The following SNX30 variants were observed in gnomAD, a reference collection of about 807,000 sequenced individuals.
SNX30 encodes the protein sorting nexin-30.
Under a neutral mutation model 46.4 loss-of-function variants are expected in SNX30, and 24 were observed. The observed-to-expected ratio is 0.52, with a 90% CI of 0.37 to 0.73. The LOEUF (loss-of-function observed/expected upper bound fraction) is 0.73. Among genes scored for constraint, SNX30 ranks in the 30% least tolerant of loss-of-function variants. The pLI, the probability that SNX30 is intolerant of heterozygous loss-of-function variation, is 0.00. For synonymous variants in SNX30, 189 were observed against 211.5 expected, an observed-to-expected ratio of 0.89 and a Z score of 0.92; for missense variants, 533 against 555.7, an observed-to-expected ratio of 0.96 and a Z score of 0.41.
At chr9:112,822,130 T>G (rs1478591447) in intron 3 of SNX30, among the ~76,000 whole-genome samples, 1 of 151,690 alleles carries the variant, frequency 6.6e-6, no homozygotes, top group African/African-American at 2.4e-5. Flanking sequence ...CCCAGGCTGG[T>G]CTCAAACTCC....
intron 1 of SNX30, among the ~76,000 whole-genome samples, chr9:112,767,144 G>C (rs1554748160): frequency 6.8e-6 from 1 of 146,950 alleles, no homozygotes; most frequent in African/African-American, 2.5e-5. Context: ...TTTGATAGTA[G>C]TTATTCTAGA....
chr9:112,788,918 C>T (rs113514074), intron 1 of SNX30, among the ~76,000 whole-genome samples: 6 of 152,304 alleles, frequency 3.9e-5, no homozygotes, highest in African/African-American at 1.4e-4. Context: ...ACCTCAGCCT[C>T]CCCAGTAGAT....
At chr9:112,840,120 A>C (rs1411182093) in intron 6 of SNX30, among the ~76,000 whole-genome samples, 1 of 152,198 alleles carries the variant, frequency 6.6e-6, no homozygotes, top group Non-Finnish European at 1.5e-5. Flanking sequence ...TGTGCGTTAT[A>C]AAGTTGCTAA....
intron 7 of SNX30, among the ~76,000 whole-genome samples, chr9:112,857,072 C>T (rs59969998): frequency 6.6e-6 from 1 of 152,310 alleles, no homozygotes; most frequent in East Asian, 1.9e-4. Context: ...AGCTGTGCTC[C>T]CTGAGGGGGC....
At chr9:112,837,767 G>A (rs1281685687) in intron 5 of SNX30, among the ~76,000 whole-genome samples, 1 of 148,712 alleles carries the variant, frequency 6.7e-6, no homozygotes, top group Non-Finnish European at 1.5e-5. Context: ...GAGCCACCGT[G>A]CCTGGCCCCT....
intron 3 of SNX30, among the ~76,000 whole-genome samples, chr9:112,824,517 C>T (rs975537357): frequency 2.0e-5 from 3 of 150,828 alleles, no homozygotes; most frequent in Non-Finnish European, 3.0e-5. Context: ...CTCCCTCACC[C>T]CTACACCCAG....
intron 6 of SNX30, among the ~76,000 whole-genome samples, chr9:112,848,550 C>T (rs991607205): frequency 1.3e-5 from 2 of 152,154 alleles, no homozygotes. Flanking sequence ...GAACAGGGCC[C>T]GCCACCGTCC....
chr9:112,837,764 C>G (rs1485364815), intron 5 of SNX30, among the ~76,000 whole-genome samples: 2 of 151,204 alleles, frequency 1.3e-5, no homozygotes, highest in Non-Finnish European at 2.9e-5. Context: ...TGTGAGCCAC[C>G]GTGCCTGGCC....
chr9:112,854,781 T>C (rs10759601), intron 7 of SNX30, among the ~76,000 whole-genome samples: 120,119 of 152,076 alleles, frequency 0.79, 47,668 homozygotes, highest in South Asian at 0.87. Flanking sequence ...AATGGGATGG[T>C]CCTGGGTTCA....
chr9:112,813,308 ACAAACAAAAAAAC>A (rs1436871088), intron 2 of SNX30, among the ~76,000 whole-genome samples: 7 of 150,634 alleles, frequency 4.6e-5, no homozygotes, highest in African/African-American at 7.3e-5. Context: ...TACAAAAAAA[ACAAACAAAAAAAC>A]CACCAAAAAT....
At position 112,835,830 on chromosome 9, in the gene SNX30, T is replaced by C. The variant is rs59745815; in HGVS notation, c.619-384T>C. ...AGTTGGGGTATAAATAAATGAGTGA[T>C]GGATCTCGGAACCTCTGCTCTTCAG... is the stretch of plus-strand genomic sequence containing the variant. On this transcript the variant is annotated intron_variant, in intron 4 of 8. Coordinates refer to ENST00000374232, the MANE Select transcript of SNX30 (RefSeq NM_001012994.2). 5.2e-3 allele frequency among the ~76,000 whole-genome samples: 796 copies of C among 152,172 alleles called. 11 individuals are homozygous for C. The highest frequency in any genetic ancestry group is 0.018 in the African/African-American group (765 of 41,506).
intron 4 of SNX30, 103 bp downstream of exon 4, chr9:112,830,986 CA>C: frequency 3.3e-6 from 4 of 1,227,200 alleles, no homozygotes; most frequent in Non-Finnish European, 4.5e-6. Flanking sequence ...AAACTTTTAA[CA>C]AATAGCCGAG....
chr9:112,882,393 C>T (rs1375214723), downstream of SNX30, among the ~76,000 whole-genome samples: 3 of 152,170 alleles, frequency 2.0e-5, no homozygotes, highest in African/African-American at 4.8e-5. Flanking sequence ...AGGTGTGAGC[C>T]ACTGCACCCA....
chr9:112,864,512 AG>A (rs1841288045), intron 8 of SNX30, 113 bp downstream of exon 8: 1 of 1,409,200 alleles, frequency 7.1e-7, no homozygotes, highest in Admixed American at 1.8e-5. Context: ...CCCTTATTTT[AG>A]CTGCTTAGTC....
At chr9:112,842,647 G>T (rs1266073906) in intron 6 of SNX30, among the ~76,000 whole-genome samples, 1 of 152,238 alleles carries the variant, frequency 6.6e-6, no homozygotes, top group African/African-American at 2.4e-5. Context: ...CAATCAGCTT[G>T]TAGCTGTGTG....
chr9:112,884,026 T>C (rs1267000606), downstream of SNX30, among the ~76,000 whole-genome samples: 4 of 152,178 alleles, frequency 2.6e-5, no homozygotes, highest in African/African-American at 9.7e-5. Context: ...GAGGCATTAG[T>C]TAAGTGCATG....
chr9:112,780,181 G>A (rs1314507412), intron 1 of SNX30, among the ~76,000 whole-genome samples: 2 of 152,186 alleles, frequency 1.3e-5, no homozygotes, highest in African/African-American at 4.8e-5. Context: ...ATACATGTCT[G>A]TATTTTTCTG....
chr9:112,775,001 C>T (rs781290188), intron 1 of SNX30, among the ~76,000 whole-genome samples: 9 of 151,646 alleles, frequency 5.9e-5, no homozygotes, highest in South Asian at 2.1e-4. Context: ...TGTGCCACCA[C>T]GCCTGGCTCA....
chr9:112,834,863 CACACACACACACACACACA>C (rs1216671607), intron 4 of SNX30, among the ~76,000 whole-genome samples: 43 of 89,186 alleles, frequency 4.8e-4, no homozygotes, highest in Non-Finnish European at 1.2e-3. Flanking sequence ...CACACACACA[CACACACACACACACACACA>C]CCTACCTCAA....
Sources: gnomAD v4.1 joint callset for allele counts (sites outside exome capture counted in the v4.1 genomes callset) on GRCh38, gnomAD v4.1.1 for gene constraint, MANE v1.5 for transcripts, NCBI Gene and HGNC (gene_info 2026-07-23, HGNC 2026-07-21) for gene names.